The following MAGI2 variants were observed in gnomAD, a reference collection of about 807,000 sequenced individuals.
MAGI2 encodes membrane associated guanylate kinase, WW and PDZ domain containing 2.
MAGI2 carries 35 observed loss-of-function variants against 133.3 expected under a neutral mutation model. The observed-to-expected ratio is 0.26, with a 90% CI of 0.20 to 0.35. The LOEUF is 0.35. Among genes scored for constraint, MAGI2 ranks in the 10% least tolerant of loss-of-function variants. The pLI, the probability that MAGI2 is intolerant of heterozygous loss-of-function variation, is 1.00. For synonymous variants in MAGI2, 729 were observed against 710.6 expected (o/e 1.03, Z -0.41); for missense variants, 1,636 against 1,863.4 (o/e 0.88, Z 2.25).
chr7:78,775,445 A>C (rs1046992871), intron 2 of MAGI2, among the ~76,000 whole-genome samples: 1 of 151,736 alleles, frequency 6.6e-6, no homozygotes, highest in Non-Finnish European at 1.5e-5. Context: ...ATACATACCC[A>C]AGATTGTTAT....
intron 1 of MAGI2, among the ~76,000 whole-genome samples, chr7:79,427,528 A>G (rs1051261623): frequency 3.9e-5 from 6 of 152,292 alleles, no homozygotes; most frequent in Admixed American, 1.3e-4. Context: ...TGAGAAGGAG[A>G]TGGCATTAGA....
intron 2 of MAGI2, among the ~76,000 whole-genome samples, chr7:78,632,987 T>A (rs1314085946): frequency 1.3e-5 from 2 of 152,192 alleles, no homozygotes; most frequent in Non-Finnish European, 2.9e-5. Context: ...AGACATGGAA[T>A]CAACCTATAT....
chr7:78,146,012 A>AT (rs1202560754), intron 16 of MAGI2, among the ~76,000 whole-genome samples: 1 of 151,970 alleles, frequency 6.6e-6, no homozygotes, highest in Non-Finnish European at 1.5e-5. Flanking sequence ...ATATCATATC[A>AT]TTTTTTGGCT....
chr7:79,355,045 C>A (rs184713130), intron 1 of MAGI2, among the ~76,000 whole-genome samples: 1 of 152,198 alleles, frequency 6.6e-6, no homozygotes, highest in Non-Finnish European at 1.5e-5. Context: ...AGAGTCTTGC[C>A]CTTTTACCCA....
intron 1 of MAGI2, among the ~76,000 whole-genome samples, chr7:79,336,910 G>A (rs967725615): frequency 1.3e-5 from 2 of 151,448 alleles, no homozygotes; most frequent in African/African-American, 4.9e-5. Context: ...CAAATCTAGA[G>A]ATCTAACACA....
chr7:78,524,207 C>A (rs1796755712), intron 3 of MAGI2, among the ~76,000 whole-genome samples: 1 of 152,150 alleles, frequency 6.6e-6, no homozygotes, highest in Non-Finnish European at 1.5e-5. Flanking sequence ...GATTTTATCT[C>A]AGGGGCCTCC....
chr7:78,098,695 T>C (rs2151238289), intron 20 of MAGI2, among the ~76,000 whole-genome samples: 1 of 152,288 alleles, frequency 6.6e-6, no homozygotes, highest in South Asian at 2.1e-4. Flanking sequence ...CCAAAGTTGC[T>C]GCATCAATTT....
At chr7:78,567,476 T>C (rs1801067521) in intron 3 of MAGI2, among the ~76,000 whole-genome samples, 1 of 152,154 alleles carries the variant, frequency 6.6e-6, no homozygotes. Context: ...CAGAAATATT[T>C]CTGGCTTAAT....
chr7:79,075,946 T>A (rs547926912), intron 1 of MAGI2, among the ~76,000 whole-genome samples: 1 of 152,274 alleles, frequency 6.6e-6, no homozygotes, highest in African/African-American at 2.4e-5. Context: ...AATAATATGA[T>A]ACTTTAAAAA....
intron 1 of MAGI2, among the ~76,000 whole-genome samples, chr7:79,024,531 C>G (rs1334396464): frequency 6.6e-6 from 1 of 151,508 alleles, no homozygotes; most frequent in East Asian, 1.9e-4. Flanking sequence ...CAAAACAAAA[C>G]AAAACAAAAC....
At chr7:78,409,864 T>G (rs111352353) in intron 6 of MAGI2, among the ~76,000 whole-genome samples, 2,166 of 152,222 alleles carry the variant, frequency 0.014, 60 homozygotes, top group African/African-American at 0.049. Context: ...CTTTACAAAT[T>G]TGTTATTCAA....
intron 1 of MAGI2, among the ~76,000 whole-genome samples, chr7:79,418,896 A>G (rs1236908176): frequency 2.0e-5 from 3 of 150,914 alleles, no homozygotes; most frequent in African/African-American, 7.3e-5. Context: ...CATTTGTCAG[A>G]TAGTCATAAA....
intron 14 of MAGI2, among the ~76,000 whole-genome samples, chr7:78,176,530 A>T (rs1262256102): frequency 1.3e-5 from 2 of 152,018 alleles, no homozygotes; most frequent in Admixed American, 1.3e-4. Flanking sequence ...CCAGGTTCCC[A>T]TTGGTTGCTT....
intron 1 of MAGI2, among the ~76,000 whole-genome samples, chr7:79,282,377 C>T (rs1489789235): frequency 1.3e-5 from 2 of 152,116 alleles, no homozygotes; most frequent in African/African-American, 4.8e-5. Context: ...TTGGAAATAG[C>T]TTCTCATCTA....
rs567140228 is a variant in MAGI2 at position 78,702,453 on chromosome 7, A to G, written c.419-75214T>C. On this transcript the variant is annotated intron_variant, in intron 2 of 21. Coordinates refer to ENST00000354212, the MANE Select transcript of MAGI2 (RefSeq NM_012301.4). ...ATCTTGTTTATAGTCACTAAATAGA[A>G]TAATGTCTCATGTTACTTAACTTTG... Among the ~76,000 whole-genome samples, 18 of 152,122 alleles carry G rather than the reference A, an allele frequency of 1.2e-4. No homozygotes were observed. The South Asian group carries it at 3.7e-3, about 31-fold the overall frequency.
chr7:79,096,867 C>T (rs894438398), intron 1 of MAGI2, among the ~76,000 whole-genome samples: 5 of 152,014 alleles, frequency 3.3e-5, no homozygotes, highest in African/African-American at 1.2e-4. Context: ...CCAGATGATC[C>T]CAAACTAGGG....
At chr7:79,139,916 T>C (rs1443962076) in intron 1 of MAGI2, 1 of 152,220 alleles carries the variant, frequency 6.6e-6, no homozygotes, top group Non-Finnish European at 1.5e-5. Flanking sequence ...CATGTGAAGA[T>C]GGGAGTAAGC....
chr7:78,893,387 C>T (rs1438248090), intron 2 of MAGI2, among the ~76,000 whole-genome samples: 3 of 152,136 alleles, frequency 2.0e-5, no homozygotes, highest in Non-Finnish European at 2.9e-5. Flanking sequence ...TGGGTATATA[C>T]CCAAAGGATT....
At chr7:78,322,725 G>A (rs1002150317) in intron 9 of MAGI2, among the ~76,000 whole-genome samples, 1 of 151,948 alleles carries the variant, frequency 6.6e-6, no homozygotes. Flanking sequence ...AAACCTGCAC[G>A]TTCTGCACAT....
Sources: allele counts gnomAD v4.1 joint callset (sites outside exome capture counted in the v4.1 genomes callset), GRCh38; gene constraint gnomAD v4.1.1; transcripts MANE v1.5; gene names NCBI Gene and HGNC (gene_info 2026-07-23, HGNC 2026-07-21).